Variants in AIF1L observed in about 807,000 individuals in gnomAD.
AIF1L encodes the protein allograft inflammatory factor 1-like.
In AIF1L, 12 loss-of-function variants were observed where a neutral mutation model predicts 20.7. That is an observed-to-expected ratio of 0.58 (90% CI 0.37 to 0.94). The LOEUF (loss-of-function observed/expected upper bound fraction) is 0.94, where lower values mean the gene tolerates loss of function less well. Among genes scored for constraint, AIF1L ranks in the 40% least tolerant of loss-of-function variants. The probability of loss-of-function intolerance (pLI) is 0.01; values close to 1 mark genes in which losing one functional copy is unlikely to be tolerated. For synonymous variants in AIF1L, 76 were observed against 65.1 expected (o/e 1.17, Z -0.81); for missense variants, 173 against 185.3 (o/e 0.93, Z 0.39).
rs1218105936 is a variant in AIF1L, at chr9:131,103,105, G to A, written c.93+6242G>A. ...TGGGTTTGGAAACAGCCCCTCCTGG[G>A]CATAGCACTTGGGGGCCTCGCTGGA... On this transcript the variant is annotated intron_variant, in intron 2 of 5. Transcript: ENST00000247291. 7.3e-6 allele frequency: 3 copies of A among 412,862 alleles called. No homozygotes were observed. The East Asian group carries it at 2.2e-4, about 30-fold the overall frequency. The allele number at this position is 412,862 out of a possible 1,614,324, so 25.6% of individuals were successfully genotyped here.
At chr9:131,100,682 G>A (rs574608339) in intron 2 of AIF1L, among the ~76,000 whole-genome samples, 7 of 152,332 alleles carry the variant, frequency 4.6e-5, no homozygotes, top group South Asian at 2.1e-4. Flanking sequence ...GGCATTCCCC[G>A]AGCCCTGATG....
At chr9:131,109,795 T>G (rs1830835858) in intron 2 of AIF1L, among the ~76,000 whole-genome samples, 2 of 152,188 alleles carry the variant, frequency 1.3e-5, no homozygotes, top group African/African-American at 4.8e-5. Flanking sequence ...GATGAACACC[T>G]GCAATCTGCC....
chr9:131,111,769 G>A, intron 3 of AIF1L, 106 bp downstream of exon 3: 1 of 1,157,026 alleles, frequency 8.6e-7, no homozygotes, highest in East Asian at 2.4e-5. Context: ...CTGTGGCCCT[G>A]TTTTGTCCAG....
intron 5 of AIF1L, 65 bp from the exon 6 acceptor site, chr9:131,120,170 T>G: frequency 6.7e-7 from 1 of 1,494,882 alleles, no homozygotes; most frequent in South Asian, 1.2e-5. Flanking sequence ...GATCTTTCCC[T>G]GGATGAGGGA....
chr9:131,120,336 A>C lies in AIF1L; in HGVS notation c.*14A>C, dbSNP rs1192683877. The C allele has an allele frequency of 6.3e-7, 1 of 1,597,802 alleles. No individual in the cohort carries two copies. Among genetic ancestry groups the C allele is most frequent in the Non-Finnish European group, 8.5e-7 (1 of 1,173,012 alleles). ...AGCCTGCCCTGAGGACCCCGCCTGGACTCCCCAGCCTTCCCACCCCATACC... is the reference window on the plus strand; with the variant it reads ...AGCCTGCCCTGAGGACCCCGCCTGGCCTCCCCAGCCTTCCCACCCCATACC... On this transcript the variant is annotated 3_prime_UTR_variant, in exon 6 of 6. Coordinates refer to ENST00000247291, the MANE Select transcript of AIF1L (RefSeq NM_031426.4).
At chr9:131,109,067 C>T (rs929445728) in intron 2 of AIF1L, among the ~76,000 whole-genome samples, 4 of 152,200 alleles carry the variant, frequency 2.6e-5, no homozygotes, top group African/African-American at 9.7e-5. Context: ...CATTGCACAT[C>T]ATTTTAAACA....
intron 2 of AIF1L, among the ~76,000 whole-genome samples, chr9:131,099,127 A>G (rs761342547): frequency 3.3e-5 from 5 of 152,200 alleles, no homozygotes; most frequent in Non-Finnish European, 5.9e-5. Context: ...GAGACAATCT[A>G]TGTAAAGCAC....
rs5900920 is a variant in AIF1L, at chr9:131,099,729, CTTTTTTTT to C, written c.93+2879_93+2886del. On this transcript the variant is annotated intron_variant, in intron 2 of 5. Transcript: ENST00000247291. ...GAGGGGCAGGGTAGCTCAGCCTTAG[CTTTTTTTT>C]TTTTTTTTTTTTAGACAGAGTCTCT... Among the ~76,000 whole-genome samples, 43 of 113,034 alleles carry C rather than the reference CTTTTTTTT, an allele frequency of 3.8e-4. 1 individual carries two copies. In the South Asian group the frequency reaches 0.011, roughly 29 times the overall value. The allele number at this position is 113,034 out of a possible 152,430, so 74.2% of individuals were successfully genotyped here. A position where few individuals can be genotyped will look rare whatever the true frequency, so the allele number is the denominator to read the frequency against.
In AIF1L at chr9:131,120,838, C is replaced by T; in HGVS notation, c.*516C>T. The T allele has an allele frequency of 4.6e-6, 2 of 433,786 alleles. No homozygotes were observed. Among genetic ancestry groups the T allele is most frequent in the Non-Finnish European group, 8.2e-6 (2 of 245,196 alleles). 26.9% of individuals were successfully genotyped at this position (433,786 alleles called of 1,614,324 possible). On this transcript the variant is annotated 3_prime_UTR_variant, in exon 6 of 6. Coordinates refer to ENST00000247291, the MANE Select transcript of AIF1L (RefSeq NM_031426.4). ...TCACCCAGGACACAGCCACTCGGGG[C>T]CCCGCTGCCCCAGCTGATCCCCACT... is the stretch of plus-strand genomic sequence containing the variant.
chr9:131,098,292 G>C (rs1319865660), intron 2 of AIF1L: 1 of 152,678 alleles, frequency 6.5e-6, no homozygotes, highest in Non-Finnish European at 1.5e-5. Flanking sequence ...CCCTCACCCT[G>C]CTTCCTGGGG....
intron 2 of AIF1L, among the ~76,000 whole-genome samples, chr9:131,107,363 C>T (rs1019748292): frequency 1.9e-4 from 29 of 152,212 alleles, no homozygotes; most frequent in African/African-American, 6.5e-4. Context: ...CACCCATCCA[C>T]CTACAGAGTG....
chr9:131,118,026 T>C (rs903759062), intron 5 of AIF1L, 108 bp downstream of exon 5: 6 of 1,154,354 alleles, frequency 5.2e-6, no homozygotes, highest in Non-Finnish European at 6.1e-6. Flanking sequence ...AGGTAACTCA[T>C]TGTGCGACCT....
chr9:131,114,955 G>A (rs1160731909), intron 4 of AIF1L, among the ~76,000 whole-genome samples: 2 of 152,212 alleles, frequency 1.3e-5, no homozygotes, highest in African/African-American at 4.8e-5. Flanking sequence ...CAGTGGCCCT[G>A]AAGTCTGTCT....
chr9:131,101,256 C>A (rs192036554), intron 2 of AIF1L, among the ~76,000 whole-genome samples: 1 of 152,176 alleles, frequency 6.6e-6, no homozygotes. Flanking sequence ...CACAGATTGA[C>A]ATTCATCATC....
At chr9:131,111,700 G>A (rs1177630463) in intron 3 of AIF1L, 37 bp downstream of exon 3, 2 of 1,602,046 alleles carry the variant, frequency 1.2e-6, no homozygotes, top group Admixed American at 3.3e-5. Flanking sequence ...TTATTCCTGG[G>A]GGAGGTGGGC....
intron 2 of AIF1L, among the ~76,000 whole-genome samples, chr9:131,100,817 G>A (rs962860387): frequency 3.3e-5 from 5 of 152,260 alleles, no homozygotes; most frequent in Non-Finnish European, 5.9e-5. Context: ...CCTCAGGGTG[G>A]CTGTGCCCTG....
chr9:131,121,342 C>T lies in AIF1L; in HGVS notation c.*1020C>T. The stretch of plus-strand genomic sequence containing the variant: ...GACCTGCTATTATAAGCTTTACATC[C>T]TCCCATGTTGTCCTGGCATGTGCAG... On this transcript the variant is annotated 3_prime_UTR_variant, in exon 6 of 6. Coordinates refer to ENST00000247291, the MANE Select transcript of AIF1L (RefSeq NM_031426.4). 1 of 540,554 alleles carries T rather than the reference C, an allele frequency of 1.8e-6. No homozygotes were observed. Among genetic ancestry groups the T allele is most frequent in the Non-Finnish European group, 3.3e-6 (1 of 301,228 alleles). The allele number at this position is 540,554 out of a possible 1,614,324, so 33.5% of individuals were successfully genotyped here.
intron 2 of AIF1L, among the ~76,000 whole-genome samples, chr9:131,105,815 T>TTTG (rs1197913395): frequency 1.4e-5 from 2 of 141,850 alleles, no homozygotes; most frequent in African/African-American, 5.2e-5. Flanking sequence ...CAATGGATGT[T>TTTG]TTGTTGTTGT....
chr9:131,107,800 A>G (rs568255603), intron 2 of AIF1L: 2 of 152,220 alleles, frequency 1.3e-5, no homozygotes, highest in Non-Finnish European at 2.9e-5. Context: ...CTGATCTAAT[A>G]TGTCCCTTCA....
Sources: allele counts gnomAD v4.1 joint callset (sites outside exome capture counted in the v4.1 genomes callset), GRCh38; gene constraint gnomAD v4.1.1; transcripts MANE v1.5; gene names NCBI Gene and HGNC (gene_info 2026-07-23, HGNC 2026-07-21).